Variants in CADM1 observed in about 807,000 individuals in gnomAD.
CADM1 encodes cell adhesion molecule 1.
In CADM1, 15 loss-of-function variants were observed where a neutral mutation model predicts 53.1. The ratio of observed to expected loss-of-function variants is 0.28; its 90% CI spans 0.19 to 0.44. CADM1 has a LOEUF of 0.44. Ranked by LOEUF, CADM1 falls within the 20% of genes least tolerant of loss-of-function variation. The probability of loss-of-function intolerance (pLI) is 1.00; values close to 1 mark genes in which losing one functional copy is unlikely to be tolerated. For missense variants in CADM1, 434 were observed against 611.3 expected (o/e 0.71, Z 3.06); for synonymous variants, 281 against 243.0 (o/e 1.16, Z -1.45).
chr11:115,186,100 G>A (rs1323008275), intron 10 of CADM1, among the ~76,000 whole-genome samples: 3 of 152,194 alleles, frequency 2.0e-5, no homozygotes, highest in Non-Finnish European at 2.9e-5. Flanking sequence ...CAAACACATC[G>A]TGGGGAAGTC....
chr11:115,346,867 T>C (rs1945592627), intron 1 of CADM1, among the ~76,000 whole-genome samples: 1 of 152,138 alleles, frequency 6.6e-6, no homozygotes, highest in African/African-American at 2.4e-5. Context: ...GCAAACTGCC[T>C]GAATGACTTT....
intron 10 of CADM1, among the ~76,000 whole-genome samples, chr11:115,186,216 C>A (rs1448107161): frequency 6.6e-6 from 1 of 152,196 alleles, no homozygotes; most frequent in African/African-American, 2.4e-5. Flanking sequence ...CCAGCCATCA[C>A]TTTCCCATGG....
chr11:115,474,697 G>A (rs931638922), intron 1 of CADM1, among the ~76,000 whole-genome samples: 16 of 127,596 alleles, frequency 1.3e-4, no homozygotes, highest in Admixed American at 8.9e-4. Context: ...AGGGCCAGTC[G>A]TGGGGTGGGG....
Position 115,503,266 on chromosome 11 carries a change from A to G in CADM1, c.124+1005T>C, listed in dbSNP as rs1056318283. Reference sequence around the variant, plus strand: ...CCGACCGCGCCAACGCGCCCGGCACACGGGCAGCCACACATCGGGCTCCAG... The same window carrying G: ...CCGACCGCGCCAACGCGCCCGGCACGCGGGCAGCCACACATCGGGCTCCAG... On this transcript the variant is annotated intron_variant, in intron 1 of 11. Transcript: ENST00000331581. Among the ~76,000 whole-genome samples, 6 of 152,298 alleles carry G rather than the reference A, an allele frequency of 3.9e-5. No individual in the cohort carries two copies. The East Asian group carries it at 9.7e-4, about 25-fold the overall frequency.
chr11:115,451,558 T>C (rs1285503699), intron 1 of CADM1, among the ~76,000 whole-genome samples: 1 of 152,182 alleles, frequency 6.6e-6, no homozygotes, highest in Non-Finnish European at 1.5e-5. Context: ...AAAAACATTA[T>C]GACATTATTA....
At chr11:115,419,918 G>A (rs200413536) in intron 1 of CADM1, among the ~76,000 whole-genome samples, 4 of 152,160 alleles carry the variant, frequency 2.6e-5, no homozygotes, top group East Asian at 3.9e-4. Flanking sequence ...TCTGCATAAT[G>A]AGTTGATTTC....
chr11:115,332,234 G>T (rs2135220039), intron 1 of CADM1, among the ~76,000 whole-genome samples: 1 of 152,270 alleles, frequency 6.6e-6, no homozygotes, highest in East Asian at 1.9e-4. Flanking sequence ...AACAAGGAAT[G>T]GAACAAGGAA....
chr11:115,222,253 G>C (rs1202166620), intron 5 of CADM1, among the ~76,000 whole-genome samples: 2 of 152,114 alleles, frequency 1.3e-5, no homozygotes, highest in South Asian at 2.1e-4. Flanking sequence ...AATCATGGAG[G>C]ATTATTGGAG....
At chr11:115,462,239 C>A (rs908786569) in intron 1 of CADM1, among the ~76,000 whole-genome samples, 1 of 152,136 alleles carries the variant, frequency 6.6e-6, no homozygotes, top group African/African-American at 2.4e-5. Context: ...GCGGAGGCAG[C>A]GGCAATTAAA....
At chr11:115,312,149 A>T (rs1285609407) in intron 1 of CADM1, among the ~76,000 whole-genome samples, 2 of 152,178 alleles carry the variant, frequency 1.3e-5, no homozygotes, top group Non-Finnish European at 2.9e-5. Flanking sequence ...CAGCCATAGG[A>T]GCTGCTATAA....
At chr11:115,247,485 C>G (rs925835773) in intron 1 of CADM1, among the ~76,000 whole-genome samples, 26 of 152,196 alleles carry the variant, frequency 1.7e-4, no homozygotes, top group South Asian at 4.1e-4. Flanking sequence ...CTTCATCCAC[C>G]CTTTGAAAGG....
chr11:115,218,490 A>G (rs892097288), intron 5 of CADM1, among the ~76,000 whole-genome samples: 1 of 152,224 alleles, frequency 6.6e-6, no homozygotes, highest in African/African-American at 2.4e-5. Context: ...CAACTGGGAT[A>G]TTTTGGAAGC....
chr11:115,253,630 T>C (rs1321696301), intron 1 of CADM1, among the ~76,000 whole-genome samples: 1 of 152,222 alleles, frequency 6.6e-6, no homozygotes, highest in Non-Finnish European at 1.5e-5. Context: ...TGACTGACAG[T>C]AGTTACTGAC....
At chr11:115,448,816 G>T (rs1055798877) in intron 1 of CADM1, among the ~76,000 whole-genome samples, 2 of 152,106 alleles carry the variant, frequency 1.3e-5, no homozygotes, top group African/African-American at 2.4e-5. Flanking sequence ...TATTGAAGGT[G>T]TCATGTATTA....
rs185589795 is a variant in CADM1 at position 115,183,087 on chromosome 11, C to A, written c.1166-4312G>T. On this transcript the variant is annotated intron_variant, in intron 10 of 11. Coordinates refer to ENST00000331581, the MANE Select transcript of CADM1 (RefSeq NM_001301043.2). ...TTTACCTTGGGCCAGTTGACCTGGC[C>A]CGATCCATTCCTCATGGGCAATAAG... Among the ~76,000 whole-genome samples, 12 of 152,286 alleles carry A rather than the reference C, an allele frequency of 7.9e-5. No homozygotes were observed. The East Asian group carries it at 1.2e-3, about 15-fold the overall frequency.
chr11:115,190,358 A>C (rs1457358397), intron 10 of CADM1, among the ~76,000 whole-genome samples: 2 of 152,150 alleles, frequency 1.3e-5, no homozygotes, highest in Non-Finnish European at 2.9e-5. Context: ...TCTGAGGTGG[A>C]TAATTAGTTT....
chr11:115,219,835 A>C (rs944514690), intron 5 of CADM1, among the ~76,000 whole-genome samples: 3 of 152,130 alleles, frequency 2.0e-5, no homozygotes, highest in African/African-American at 7.2e-5. Flanking sequence ...AGTGAAGTTT[A>C]GTTTTTAAAA....
At chr11:115,472,888 A>C (rs1267903717) in intron 1 of CADM1, among the ~76,000 whole-genome samples, 2 of 152,320 alleles carry the variant, frequency 1.3e-5, no homozygotes, top group South Asian at 2.1e-4. Flanking sequence ...GCGAAAAAAA[A>C]CCTTAGATTT....
chr11:115,359,312 A>G (rs1006265500), intron 1 of CADM1, among the ~76,000 whole-genome samples: 7 of 152,178 alleles, frequency 4.6e-5, no homozygotes, highest in African/African-American at 1.7e-4. Context: ...TTGGGGATAT[A>G]AAAATTAAAT....
Sources: gnomAD v4.1 joint callset for allele counts (sites outside exome capture counted in the v4.1 genomes callset) on GRCh38, gnomAD v4.1.1 for gene constraint, MANE v1.5 for transcripts, NCBI Gene and HGNC (gene_info 2026-07-23, HGNC 2026-07-21) for gene names.